Variants in AMOT observed in about 807,000 individuals in gnomAD.
AMOT encodes the protein angiomotin.
AMOT carries 11 observed loss-of-function variants against 67.0 expected under a neutral mutation model. That is an observed-to-expected ratio of 0.16 (90% confidence interval 0.10 to 0.27). The LOEUF (loss-of-function observed/expected upper bound fraction) is 0.27. AMOT is among the 10% of genes least tolerant of loss of function. The pLI, the probability that AMOT is intolerant of heterozygous loss-of-function variation, is 1.00. For synonymous variants in AMOT, 326 were observed against 321.4 expected (o/e 1.01, Z -0.15); for missense variants, 753 against 852.0 (o/e 0.88, Z 1.45).
intron 11 of AMOT, 83 bp downstream of exon 11, chrX:112,782,457 A>G (rs775603256): frequency 5.1e-6 from 6 of 1,168,908 alleles, no homozygotes; most frequent in Non-Finnish European, 7.0e-6. Context: ...CTGCATGATC[A>G]GATTTCCTAG....
In AMOT at chrX:112,815,472, G is replaced by C. The variant is rs770804210; in HGVS notation, c.1278C>G (p.Asp426Glu). 2 of 1,211,620 alleles carry C rather than the reference G, an allele frequency of 1.7e-6. No individual in the cohort carries two copies. The highest frequency in any genetic ancestry group is 3.0e-5 in the East Asian group (1 of 33,845). The change falls in exon 5 of 14, where the codon GAC becomes GAG. Residue 426 changes from aspartate (D) to glutamate (E), a missense_variant. Physicochemically the swap from Asp to Glu is conservative, Grantham distance 45. Transcript: ENST00000371959. ...SSASYQPVPA[D>E]PFAIVSRAQQ... ...GGGCTCTGGAAACAATGGCAAAAGG[G>C]TCTGCTGGCACTGGCTGATAAGAAG...
At chrX:112,815,280 G>C (rs1417042552) in intron 5 of AMOT, 78 bp downstream of exon 5, 1 of 1,095,836 alleles carries the variant, frequency 9.1e-7, no homozygotes, top group East Asian at 3.0e-5. Flanking sequence ...TTCACAACTG[G>C]AGACTTTAAT....
At chrX:112,800,030 C>T (rs926515880) in intron 8 of AMOT, among the ~76,000 whole-genome samples, 19 of 110,990 alleles carry the variant, frequency 1.7e-4, no homozygotes, top group East Asian at 1.1e-3. Flanking sequence ...GTCAGGAGTT[C>T]GAGAACAGCC....
At position 112,815,648 on chromosome X, in the gene AMOT, G is replaced by C. The variant is rs762357605; in HGVS notation, c.1102C>G (p.Arg368Gly). ...PNQAHQGDHY[R>G]LSQPGLSQQQ... is the part of the protein sequence containing the mutation. ...TGACTCAGGCCAGGTTGGGAGAGAC[G>C]GTAATGATCCCCCTGGTGAGCCTGA... The change falls in exon 5 of 14, where the codon CGT (arginine) becomes GGT (glycine). Residue 368 changes from arginine (R) to glycine (G), a missense_variant. This residue lies in a region of AMOT where 297 missense variants were observed against 284.3 expected (regional missense o/e 1.04). Transcript: ENST00000371959. 3 of 1,189,873 alleles carry C rather than the reference G, an allele frequency of 2.5e-6. No homozygotes were observed. Among genetic ancestry groups the C allele is most frequent in the South Asian group, 1.8e-5 (1 of 54,854 alleles).
chrX:112,795,946 T>G (rs1933798348), intron 8 of AMOT, among the ~76,000 whole-genome samples: 1 of 109,981 alleles, frequency 9.1e-6, no homozygotes, highest in Admixed American at 9.8e-5. Flanking sequence ...GGTTCCTGAA[T>G]AGCCCATAAT....
At chrX:112,820,438 C>G (rs960556861) in intron 4 of AMOT, among the ~76,000 whole-genome samples, 12 of 111,695 alleles carry the variant, frequency 1.1e-4, no homozygotes, top group Non-Finnish European at 2.3e-4. Flanking sequence ...CCTCTTTGGG[C>G]TCCTCATTAT....
intron 4 of AMOT, among the ~76,000 whole-genome samples, chrX:112,821,067 G>A (rs1013007400): frequency 2.2e-4 from 25 of 111,385 alleles, no homozygotes; most frequent in Admixed American, 1.4e-3. Flanking sequence ...ACCAGGAAAT[G>A]CTAGGTGCCT....
At chrX:112,835,608 G>A (rs1372610972) in intron 1 of AMOT, among the ~76,000 whole-genome samples, 3 of 103,616 alleles carry the variant, frequency 2.9e-5, no homozygotes, top group Non-Finnish European at 5.9e-5. Context: ...TTTTTGAGAC[G>A]GAGTTTTGCT....
At chrX:112,835,747 G>A (rs1935116421) in intron 1 of AMOT, among the ~76,000 whole-genome samples, 1 of 111,024 alleles carries the variant, frequency 9.0e-6, no homozygotes, top group African/African-American at 3.3e-5. Flanking sequence ...CCATACCCAG[G>A]TAATTCTGTA....
rs1406889079 is a variant in AMOT, at chrX:112,779,629, G to A, written c.2525C>T (p.Ser842Leu). Residue 842 changes from serine (S) to leucine (L), a missense_variant, in exon 13 of 14, where the codon TCG becomes TTG. Ser to Leu is a moderately radical substitution (Grantham distance 145). Coordinates refer to ENST00000371959, the MANE Select transcript of AMOT (RefSeq NM_001113490.2). ...YRAEYVPSTP[S>L]PVPPSTPLLS... ...CAGGGGAGTCGAGGGTGGCACAGGC[G>A]AGGGTGTGGAAGGGACATATTCAGC... is the stretch of plus-strand genomic sequence containing the variant. 2 of 1,210,910 alleles carry A rather than the reference G, an allele frequency of 1.7e-6. No individual in the cohort carries two copies. The highest frequency in any genetic ancestry group is 3.0e-5 in the East Asian group (1 of 33,818).
chrX:112,808,503 A>C (rs1934259485), intron 7 of AMOT, among the ~76,000 whole-genome samples: 1 of 111,873 alleles, frequency 8.9e-6, no homozygotes, highest in Non-Finnish European at 1.9e-5. Flanking sequence ...AGAAATTAGG[A>C]GGGACAAGAG....
intron 2 of AMOT, among the ~76,000 whole-genome samples, chrX:112,830,270 T>TA (rs1175953356): frequency 8.9e-6 from 1 of 112,096 alleles, no homozygotes; most frequent in East Asian, 2.8e-4. Context: ...TCACCATAAA[T>TA]ACTTTTTCCA....
At position 112,822,469 on chromosome X, in the gene AMOT, C is replaced by T. The variant is rs764137361; in HGVS notation, c.658G>A (p.Ala220Thr). 2.4e-5 allele frequency: 28 copies of T among 1,165,911 alleles called. No individual in the cohort carries two copies. The highest frequency in any genetic ancestry group is 7.8e-5 in the Admixed American group (3 of 38,497). The change falls in exon 4 of 14, where the codon GCC becomes ACC. Residue 220 changes from alanine (A) to threonine (T), a missense_variant. Ala to Thr is a moderately conservative substitution (Grantham distance 58). This residue lies in a region of AMOT where 297 missense variants were observed against 284.3 expected (regional missense o/e 1.04). Transcript: ENST00000371959. ...TGCTGGTTAGGAAGTGGCCCTTGGG[C>T]CTTGTAGAATTCACTGGAACTTGTG... ...NPTSSSEFYK[A>T]QGPLPNQHSL...
intron 2 of AMOT, among the ~76,000 whole-genome samples, chrX:112,831,497 A>T (rs1022203860): frequency 9.1e-6 from 1 of 109,687 alleles, no homozygotes; most frequent in South Asian, 3.9e-4. Flanking sequence ...ATAAAAAGAG[A>T]GCCCAGTACT....
At chrX:112,785,359 G>A (rs1400691598) in intron 10 of AMOT, among the ~76,000 whole-genome samples, 1 of 111,623 alleles carries the variant, frequency 9.0e-6, no homozygotes, top group Non-Finnish European at 1.9e-5. Flanking sequence ...AAAACACCTA[G>A]TGGCCTTTCA....
intron 10 of AMOT, among the ~76,000 whole-genome samples, chrX:112,784,778 T>C (rs1026822883): frequency 1.8e-4 from 20 of 112,465 alleles, no homozygotes; most frequent in African/African-American, 5.5e-4. Flanking sequence ...AATGTGAAGG[T>C]TGGGGCCTTA....
chrX:112,839,988 G>C (rs1935249186), intron 1 of AMOT, among the ~76,000 whole-genome samples: 1 of 111,434 alleles, frequency 9.0e-6, no homozygotes, highest in African/African-American at 3.3e-5. Flanking sequence ...AAAACTTCAA[G>C]AATTCACGGT....
intron 1 of AMOT, among the ~76,000 whole-genome samples, chrX:112,837,141 A>C (rs1935150963): frequency 8.9e-6 from 1 of 112,229 alleles, no homozygotes; most frequent in African/African-American, 3.2e-5. Flanking sequence ...CAAAATCTAT[A>C]AAGTCTGATT....
chrX:112,790,734 C>A lies in AMOT; in HGVS notation c.1975G>T (p.Ala659Ser), dbSNP rs760470744. 4.1e-6 allele frequency: 5 copies of A among 1,205,978 alleles called. No individual in the cohort carries two copies. The highest frequency in any genetic ancestry group is 5.6e-6 in the Non-Finnish European group (5 of 892,875). The change falls in exon 10 of 14, where the codon GCA (alanine) becomes TCA (serine). Residue 659 changes from alanine to serine, a missense_variant. Physicochemically the swap from Ala to Ser is moderately conservative, Grantham distance 99. Transcript: ENST00000371959. ...PTNVSEYNAA[A>S]LMELLREKEE... The stretch of plus-strand genomic sequence containing the variant: ...TTCTCCCGAAGGAGCTCCATCAGTG[C>A]AGCAGCATTGTATTCTGAAACGTTG...
Sources: gnomAD v4.1 joint callset for allele counts (sites outside exome capture counted in the v4.1 genomes callset) on GRCh38, gnomAD v4.1.1 for gene constraint, gnomAD v4.1.1 regional missense constraint, MANE v1.5 for transcripts, NCBI Gene and HGNC (gene_info 2026-07-23, HGNC 2026-07-21) for gene names.